The following CYB5RL variants were observed in gnomAD, a reference collection of about 807,000 sequenced individuals.
CYB5RL encodes the protein cytochrome b5 reductase like, also known as NADH-cytochrome b5 reductase-like.
In CYB5RL, 38 loss-of-function variants were observed where a neutral mutation model predicts 37.5. That is an observed-to-expected ratio of 1.01 (90% CI 0.78 to 1.33). The LOEUF (loss-of-function observed/expected upper bound fraction) is 1.33, where lower values mean the gene tolerates loss of function less well. CYB5RL is among the 40% of genes most tolerant of loss of function. The pLI, the probability that CYB5RL is intolerant of heterozygous loss-of-function variation, is 0.00. For synonymous variants in CYB5RL, 141 were observed against 151.9 expected (o/e 0.93, Z 0.53); for missense variants, 388 against 394.4 (o/e 0.98, Z 0.14).
chr1:54,178,589 T>A (rs1043728417), intron 7 of CYB5RL, among the ~76,000 whole-genome samples: 1 of 151,530 alleles, frequency 6.6e-6, no homozygotes, highest in Non-Finnish European at 1.5e-5. Context: ...TACGGCGGGG[T>A]CCTCCTATGG....
chr1:54,194,020 A>AATG (rs1557725598), intron 3 of CYB5RL, among the ~76,000 whole-genome samples: 1 of 143,320 alleles, frequency 7.0e-6, no homozygotes, highest in Non-Finnish European at 1.5e-5. Flanking sequence ...TAATAATAAT[A>AATG]ATAATAATGA....
In CYB5RL at chr1:54,171,708, T is replaced by G; in HGVS notation, c.*2911A>C. On this transcript the variant is annotated 3_prime_UTR_variant, in exon 8 of 8. Transcript: ENST00000534324. ...AAGTCTCCCTTCTCCTACTACAACA[T>G]CACACGGTGGCCACGCCTCCCACAA... 3.0e-6 allele frequency: 1 copy of G among 333,660 alleles called. No homozygotes were observed. Among genetic ancestry groups the G allele is most frequent in the East Asian group, 7.5e-5 (1 of 13,398 alleles). 20.7% of individuals were successfully genotyped at this position (333,660 alleles called of 1,614,324 possible).
Position 54,198,027 on chromosome 1 carries a change from C to CAAAAA in CYB5RL, c.-222-1541_-222-1537dup, listed in dbSNP as rs575486117. On this transcript the variant is annotated intron_variant, in intron 1 of 7. Coordinates refer to ENST00000534324, the MANE Select transcript of CYB5RL (RefSeq NM_001031672.4). ...TGGGTGACAGAGTGAGACTCTGTCTCAAAAAAAAAAAAAAAAAAAAAAAAA... is the reference window on the plus strand; with the variant it reads ...TGGGTGACAGAGTGAGACTCTGTCTCAAAAAAAAAAAAAAAAAAAAAAAAAAAAAA... Among the ~76,000 whole-genome samples the CAAAAA allele has an allele frequency of 7.0e-4, 55 of 78,516 alleles. 3 individuals are homozygous for CAAAAA. The highest frequency in any genetic ancestry group is 3.0e-3 in the African/African-American group (52 of 17,422). The allele number at this position is 78,516 out of a possible 152,430, so 51.5% of individuals were successfully genotyped here. A position where few individuals can be genotyped will look rare whatever the true frequency, so the allele number is the denominator to read the frequency against.
intron 6 of CYB5RL, among the ~76,000 whole-genome samples, chr1:54,181,620 C>G (rs543909136): frequency 6.6e-6 from 1 of 152,298 alleles, no homozygotes; most frequent in East Asian, 1.9e-4. Flanking sequence ...GACACCATTT[C>G]TTTTTCCCTA....
chr1:54,183,775 T>C (rs186536542), intron 6 of CYB5RL, among the ~76,000 whole-genome samples: 71 of 152,176 alleles, frequency 4.7e-4, no homozygotes, highest in African/African-American at 6.3e-4. Context: ...TGGGAGTTCA[T>C]GACCAGCCTG....
chr1:54,195,558 G>A lies in CYB5RL; in HGVS notation c.59C>T (p.Pro20Leu), dbSNP rs993321713. ...DTEEAWMQLRPTEPLPSQCCG... is the reference protein window; with the variant it reads ...DTEEAWMQLRLTEPLPSQCCG... ...GCACTGGGAAGGCAAGGGTTCTGTG[G>A]GCCGTAGCTGCATCCAGGCTTCCTC... Residue 20 changes from proline to leucine, a missense_variant, in exon 3 of 8, where the codon CCC becomes CTC. Transcript: ENST00000534324. The A allele has an allele frequency of 1.9e-6, 3 of 1,613,592 alleles. No individual in the cohort carries two copies. The African/African-American group carries it at 4.0e-5, about 22-fold the overall frequency.
intron 7 of CYB5RL, chr1:54,175,440 A>G (rs1659997987): frequency 6.9e-6 from 2 of 290,284 alleles, no homozygotes; most frequent in African/African-American, 4.3e-5. Context: ...GACCCCACGG[A>G]CCCAGGATCC....
Position 54,171,375 on chromosome 1 carries a change from T to C in CYB5RL, c.*3244A>G, listed in dbSNP as rs114622270. 6,092 of 456,320 alleles carry C rather than the reference T, an allele frequency of 0.013. 75 individuals are homozygous for C. Among genetic ancestry groups the C allele is most frequent in the Middle Eastern group, 0.061 (187 of 3,070 alleles). 28.3% of individuals were successfully genotyped at this position (456,320 alleles called of 1,614,324 possible). On this transcript the variant is annotated 3_prime_UTR_variant, in exon 8 of 8. Transcript: ENST00000534324. ...GGCCACAGGGAGACAGGGAAGGATT[T>C]CAAGCAGGGGAGTGACAGGCTTGGA...
rs542701770 is a variant in CYB5RL, at chr1:54,172,135, T to C, written c.*2484A>G. 6.6e-6 allele frequency: 1 copy of C among 152,460 alleles called. No individual in the cohort carries two copies. The highest frequency in any genetic ancestry group is 2.1e-4 in the South Asian group (1 of 4,820). 9.4% of individuals were successfully genotyped at this position (152,460 alleles called of 1,614,324 possible). A position where few individuals can be genotyped will look rare whatever the true frequency, so the allele number is the denominator to read the frequency against. ...AGAACTGCCCCGGACTCTCTACTCCTTAAGTGGAGACCCCCTTAACACTCT... is the reference window on the plus strand; with the variant it reads ...AGAACTGCCCCGGACTCTCTACTCCCTAAGTGGAGACCCCCTTAACACTCT... On this transcript the variant is annotated 3_prime_UTR_variant, in exon 8 of 8. Transcript: ENST00000534324.
chr1:54,179,365 AG>A lies in CYB5RL; in HGVS notation c.541-14del. The A allele has an allele frequency of 6.2e-7, 1 of 1,608,738 alleles. No individual in the cohort carries two copies. The highest frequency in any genetic ancestry group is 8.5e-7 in the Non-Finnish European group (1 of 1,178,462). On this transcript the variant is annotated splice_polypyrimidine_tract_variant and intron_variant, in intron 6 of 7. Transcript: ENST00000534324. ...GGAGCTCACCATACTGGGGAACAGAAGGGGTATGTATGACAGGTGGGTTGGG... is the reference window on the plus strand; with the variant it reads ...GGAGCTCACCATACTGGGGAACAGAAGGGTATGTATGACAGGTGGGTTGGG...
At chr1:54,197,411 C>T (rs147856583) in intron 1 of CYB5RL, among the ~76,000 whole-genome samples, 2 of 148,674 alleles carry the variant, frequency 1.3e-5, no homozygotes, top group African/African-American at 5.0e-5. Flanking sequence ...GCAACCTCTG[C>T]CTCCTGGGCT....
At chr1:54,179,115 C>T (rs1233947696) in intron 7 of CYB5RL, 34 bp downstream of exon 7, 1 of 1,594,810 alleles carries the variant, frequency 6.3e-7, no homozygotes, top group Non-Finnish European at 8.5e-7. Flanking sequence ...AGCAGAGTCT[C>T]AATCAAAAAA....
rs374513258 is a variant in CYB5RL at position 54,183,217 on chromosome 1, C to T, written c.540+944G>A. 1.8e-3 allele frequency among the ~76,000 whole-genome samples: 275 copies of T among 152,200 alleles called. 2 individuals carry two copies. Among genetic ancestry groups the T allele is most frequent in the African/African-American group, 6.0e-3 (251 of 41,502 alleles). Reference sequence around the variant, plus strand: ...ATTATTCTATCAAGTACCTGTAGCCCGGTTTACCTAACTGTTCCCCTGCTG... The same window carrying T: ...ATTATTCTATCAAGTACCTGTAGCCTGGTTTACCTAACTGTTCCCCTGCTG... On this transcript the variant is annotated intron_variant, in intron 6 of 7. Transcript: ENST00000534324.
chr1:54,193,811 C>CA lies in CYB5RL; in HGVS notation c.198+1607dup, dbSNP rs200293833. On this transcript the variant is annotated intron_variant, in intron 3 of 7. Coordinates refer to ENST00000534324, the MANE Select transcript of CYB5RL (RefSeq NM_001031672.4). ...TAAAACCCTGTCTCTGCTAAAAATG[C>CA]AAAAAAAAATTAGCCGGGCGTGGTG... 9.6e-3 allele frequency among the ~76,000 whole-genome samples: 1,427 copies of CA among 148,708 alleles called. 16 individuals are homozygous for CA. The highest frequency in any genetic ancestry group is 0.033 in the African/African-American group (1,344 of 40,476).
intron 6 of CYB5RL, among the ~76,000 whole-genome samples, chr1:54,183,031 C>G (rs1054757567): frequency 5.9e-5 from 9 of 152,188 alleles, no homozygotes; most frequent in African/African-American, 2.2e-4. Flanking sequence ...CCACCCAGAG[C>G]TGCTAACATT....
chr1:54,188,498 A>T (rs1452007831), intron 4 of CYB5RL, among the ~76,000 whole-genome samples: 1 of 152,238 alleles, frequency 6.6e-6, no homozygotes, highest in East Asian at 1.9e-4. Flanking sequence ...CCCTGGTCTA[A>T]AGCCCTGTCT....
intron 3 of CYB5RL, 23 bp from the exon 4 acceptor site, chr1:54,190,919 A>G (rs754974736): frequency 6.2e-7 from 1 of 1,607,380 alleles, no homozygotes; most frequent in Non-Finnish European, 8.5e-7. Flanking sequence ...GAGATCCAAC[A>G]GCTAGAGGCC....
At chr1:54,188,244 G>A (rs1450949241) in intron 4 of CYB5RL, among the ~76,000 whole-genome samples, 2 of 152,202 alleles carry the variant, frequency 1.3e-5, no homozygotes, top group African/African-American at 4.8e-5. Flanking sequence ...CTCATGCCCC[G>A]TGGCCCCTTT....
At chr1:54,193,074 T>C (rs1479447463) in intron 3 of CYB5RL, among the ~76,000 whole-genome samples, 1 of 152,218 alleles carries the variant, frequency 6.6e-6, no homozygotes, top group African/African-American at 2.4e-5. Flanking sequence ...TGTGATTCTT[T>C]ATCCCCCTTC....
Sources: allele counts gnomAD v4.1 joint callset (sites outside exome capture counted in the v4.1 genomes callset), GRCh38; gene constraint gnomAD v4.1.1; transcripts MANE v1.5; gene names NCBI Gene and HGNC (gene_info 2026-07-23, HGNC 2026-07-21).